PDLIM5: variants seen among roughly 807,000 people sequenced by gnomAD.
The protein encoded by PDLIM5 is PDZ and LIM domain protein 5.
A neutral mutation model predicts 64.2 loss-of-function variants in PDLIM5; 34 were observed. The ratio of observed to expected loss-of-function variants is 0.53; its 90% CI spans 0.40 to 0.71. The LOEUF (loss-of-function observed/expected upper bound fraction) is 0.71, where lower values mean the gene tolerates loss of function less well. Ranked by LOEUF, PDLIM5 falls within the 30% of genes least tolerant of loss-of-function variation. The pLI is 0.00. For missense variants in PDLIM5, 683 were observed against 733.6 expected (o/e 0.93, Z 0.80); for synonymous variants, 253 against 269.1 (o/e 0.94, Z 0.59).
At chr4:94,596,219 A>G (rs549536033) in intron 7 of PDLIM5, among the ~76,000 whole-genome samples, 1 of 152,266 alleles carries the variant, frequency 6.6e-6, no homozygotes, top group East Asian at 1.9e-4. Context: ...AATGCTGGAA[A>G]TGCCTGTTGT....
rs139140125 is a variant in PDLIM5 at position 94,614,287 on chromosome 4, TGTTTTTTTACAGAGA to T, written c.921-3716_921-3702del. Among the ~76,000 whole-genome samples, 1,093 of 152,182 alleles carry T rather than the reference TGTTTTTTTACAGAGA, an allele frequency of 7.2e-3. 13 individuals are homozygous for T. Among genetic ancestry groups the T allele is most frequent in the African/African-American group, 0.025 (1,020 of 41,498 alleles). ...ATCCTTTCATCTTTAGTACAATGTT[TGTTTTTTTACAGAGA>T]CAAGGTCTTGCCGTGTTGCCCAGGC... On this transcript the variant is annotated intron_variant, in intron 7 of 12. Transcript: ENST00000317968.
At chr4:94,615,832 A>G (rs1399132344) in intron 7 of PDLIM5, among the ~76,000 whole-genome samples, 7 of 152,080 alleles carry the variant, frequency 4.6e-5, no homozygotes, top group Admixed American at 3.9e-4. Flanking sequence ...CTCACTGTAG[A>G]TTTCACTCCT....
At chr4:94,628,537 G>A (rs1164939336) in intron 8 of PDLIM5, among the ~76,000 whole-genome samples, 1 of 147,720 alleles carries the variant, frequency 6.8e-6, no homozygotes, top group East Asian at 2.0e-4. Flanking sequence ...TTTTTTTCCT[G>A]CTTCATTTTT....
At chr4:94,540,039 A>G (rs1335971722) in intron 3 of PDLIM5, among the ~76,000 whole-genome samples, 1 of 152,096 alleles carries the variant, frequency 6.6e-6, no homozygotes, top group Non-Finnish European at 1.5e-5. Context: ...CTTATAGAGC[A>G]GGTAATGTGT....
intron 3 of PDLIM5, among the ~76,000 whole-genome samples, chr4:94,542,007 T>C (rs998961345): frequency 1.3e-5 from 2 of 152,094 alleles, no homozygotes; most frequent in Admixed American, 6.6e-5. Context: ...GTCGGGGAGA[T>C]GGGAATTTAA....
chr4:94,641,782 G>A (rs1741021980), intron 9 of PDLIM5, among the ~76,000 whole-genome samples: 1 of 152,170 alleles, frequency 6.6e-6, no homozygotes, highest in Non-Finnish European at 1.5e-5. Context: ...TAGTAATAGT[G>A]GTTATGGGGA....
At chr4:94,481,830 T>G (rs1053321709) in intron 2 of PDLIM5, among the ~76,000 whole-genome samples, 3 of 151,804 alleles carry the variant, frequency 2.0e-5, no homozygotes, top group African/African-American at 4.8e-5. Context: ...AGGATGGTCT[T>G]GATCTCCTGA....
chr4:94,523,031 A>T (rs1451859768), intron 2 of PDLIM5, among the ~76,000 whole-genome samples: 3 of 152,234 alleles, frequency 2.0e-5, no homozygotes, highest in African/African-American at 4.8e-5. Context: ...AGGAGATCAG[A>T]CTAAATAATG....
chr4:94,563,946 T>TCTTTC (rs35394371), intron 3 of PDLIM5, among the ~76,000 whole-genome samples: 2 of 144,378 alleles, frequency 1.4e-5, no homozygotes, highest in Non-Finnish European at 3.0e-5. Context: ...TCTTTTTTTT[T>TCTTTC]TTTCTTTCTT....
chr4:94,530,646 A>G (rs1202240746), intron 3 of PDLIM5, among the ~76,000 whole-genome samples: 2 of 151,614 alleles, frequency 1.3e-5, no homozygotes, highest in Non-Finnish European at 2.9e-5. Context: ...TTTACTGTCT[A>G]ACTTGTTATG....
chr4:94,527,505 ATATACTAC>A (rs1182214218), intron 3 of PDLIM5, among the ~76,000 whole-genome samples: 1 of 152,214 alleles, frequency 6.6e-6, no homozygotes, highest in African/African-American at 2.4e-5. Context: ...CTGCATGAAT[ATATACTAC>A]TATCATTTAC....
chr4:94,462,086 G>GA (rs1459491071), intron 2 of PDLIM5, among the ~76,000 whole-genome samples: 19 of 152,196 alleles, frequency 1.2e-4, no homozygotes, highest in Admixed American at 1.0e-3. Context: ...GTCTGGTCTC[G>GA]AACTCCTGAC....
intron 2 of PDLIM5, among the ~76,000 whole-genome samples, chr4:94,458,491 T>G (rs1043851506): frequency 3.9e-5 from 6 of 152,102 alleles, no homozygotes; most frequent in Non-Finnish European, 7.4e-5. Context: ...TTTTGTTTTG[T>G]TTTTTTAAAC....
At chr4:94,648,076 A>G (rs1366197548) in intron 9 of PDLIM5, among the ~76,000 whole-genome samples, 1 of 152,220 alleles carries the variant, frequency 6.6e-6, no homozygotes, top group Non-Finnish European at 1.5e-5. Context: ...ATCATCTCAA[A>G]TCAGTAACAT....
chr4:94,540,126 A>G (rs1040749005), intron 3 of PDLIM5, among the ~76,000 whole-genome samples: 6 of 140,116 alleles, frequency 4.3e-5, no homozygotes, highest in Admixed American at 7.2e-5. Flanking sequence ...AGATGCTACT[A>G]TTCTTCTTTT....
intron 8 of PDLIM5, among the ~76,000 whole-genome samples, chr4:94,625,470 T>C (rs1478235682): frequency 6.6e-6 from 1 of 151,718 alleles, no homozygotes; most frequent in East Asian, 1.9e-4. Context: ...TTTTTTTTTT[T>C]GAGACAGAGT....
rs1742297226 is a variant in PDLIM5 at position 94,657,448 on chromosome 4, C to G, written c.1486C>G (p.Gln496Glu). 1.2e-6 allele frequency: 2 copies of G among 1,602,140 alleles called. No individual in the cohort carries two copies. Among genetic ancestry groups the G allele is most frequent in the Admixed American group, 3.3e-5 (2 of 59,792 alleles). Residue 496 changes from glutamine (Q) to glutamate (E), a missense_variant, in exon 11 of 13, where the codon CAA becomes GAA. Coordinates refer to ENST00000317968, the MANE Select transcript of PDLIM5 (RefSeq NM_006457.5). ...ILGEVISALKQTWHVSCFVCV... is the reference protein window; with the variant it reads ...ILGEVISALKETWHVSCFVCV... ...ACAGGAAGTCATCAGTGCGTTGAAACAAACTTGGCATGTTTCCTGTTTTGT... is the reference window on the plus strand; with the variant it reads ...ACAGGAAGTCATCAGTGCGTTGAAAGAAACTTGGCATGTTTCCTGTTTTGT...
chr4:94,584,835 C>T, intron 5 of PDLIM5: 1 of 603,978 alleles, frequency 1.7e-6, no homozygotes, highest in Non-Finnish European at 3.0e-6. Context: ...GTATGGCATA[C>T]AGTGAACAAT....
At chr4:94,486,924 G>A (rs1726393914) in intron 2 of PDLIM5, among the ~76,000 whole-genome samples, 1 of 152,052 alleles carries the variant, frequency 6.6e-6, no homozygotes, top group Non-Finnish European at 1.5e-5. Flanking sequence ...GATCACTTGA[G>A]CCCAGGAGTT....
Sources: gnomAD v4.1 joint callset for allele counts (sites outside exome capture counted in the v4.1 genomes callset) on GRCh38, gnomAD v4.1.1 for gene constraint, MANE v1.5 for transcripts, NCBI Gene and HGNC (gene_info 2026-07-23, HGNC 2026-07-21) for gene names.